The following KCNH7 variants were observed in gnomAD, a reference collection of about 807,000 sequenced individuals.
KCNH7 encodes the protein potassium voltage-gated channel subfamily H member 7.
KCNH7 carries 49 observed loss-of-function variants against 120.8 expected under a neutral mutation model. The ratio of observed to expected loss-of-function variants is 0.41; its 90% CI spans 0.32 to 0.51. KCNH7 has a LOEUF of 0.51. KCNH7 is among the 20% of genes least tolerant of loss of function. KCNH7 has a pLI of 0.38. For missense variants in KCNH7, 1,097 were observed against 1,446.6 expected (o/e 0.76, Z 3.92); for synonymous variants, 547 against 516.1 (o/e 1.06, Z -0.81).
At chr2:162,680,139 AT>A (rs5835917) in intron 2 of KCNH7, among the ~76,000 whole-genome samples, 19,853 of 151,638 alleles carry the variant, frequency 0.13, 1,501 homozygotes, top group East Asian at 0.34. Flanking sequence ...AAAAGAAGCA[AT>A]TTTTACTAGA....
intron 6 of KCNH7, among the ~76,000 whole-genome samples, chr2:162,462,183 GAA>G (rs770647410): frequency 4.0e-5 from 6 of 151,612 alleles, no homozygotes; most frequent in Non-Finnish European, 8.8e-5. Flanking sequence ...GTACGTTAAG[GAA>G]AAAAAATCAG....
intron 5 of KCNH7, among the ~76,000 whole-genome samples, chr2:162,506,669 GTTAT>G (rs1157787078): frequency 1.3e-5 from 2 of 151,692 alleles, no homozygotes; most frequent in East Asian, 3.9e-4. Flanking sequence ...TGTCCACAGA[GTTAT>G]TTAAAATTTG....
intron 2 of KCNH7, among the ~76,000 whole-genome samples, chr2:162,600,908 C>T (rs1191891020): frequency 6.6e-6 from 1 of 152,040 alleles, no homozygotes; most frequent in Non-Finnish European, 1.5e-5. Context: ...GCATTCTATG[C>T]TTCATGGGAA....
At position 162,777,592 on chromosome 2, in the gene KCNH7, G is replaced by C. The variant is rs193253066; in HGVS notation, c.307+58945C>G. On this transcript the variant is annotated intron_variant, in intron 2 of 15. Coordinates refer to ENST00000332142, the MANE Select transcript of KCNH7 (RefSeq NM_033272.4). Reference sequence around the variant, plus strand: ...ATCTCCTATATAAGCCAAGCACTATGCTAAGTGCTTTACATATACTCACTG... The same window carrying C: ...ATCTCCTATATAAGCCAAGCACTATCCTAAGTGCTTTACATATACTCACTG... Among the ~76,000 whole-genome samples, 7 of 152,170 alleles carry C rather than the reference G, an allele frequency of 4.6e-5. No homozygotes were observed. The East Asian group carries it at 1.4e-3, about 29-fold the overall frequency.
intron 2 of KCNH7, among the ~76,000 whole-genome samples, chr2:162,656,304 T>C (rs1248206159): frequency 3.3e-5 from 5 of 152,172 alleles, no homozygotes; most frequent in Non-Finnish European, 7.4e-5. Context: ...AAAGACTATA[T>C]AGATCATAAA....
At chr2:162,768,221 GCTGA>G (rs1251943701) in intron 2 of KCNH7, among the ~76,000 whole-genome samples, 2 of 152,122 alleles carry the variant, frequency 1.3e-5, no homozygotes, top group African/African-American at 4.8e-5. Context: ...TAAATTGAAG[GCTGA>G]CTATCAAAGG....
At chr2:162,653,359 C>T (rs965000233) in intron 2 of KCNH7, among the ~76,000 whole-genome samples, 2 of 152,092 alleles carry the variant, frequency 1.3e-5, no homozygotes, top group African/African-American at 4.8e-5. Flanking sequence ...ACTATTAGAA[C>T]TAATAAATTA....
At chr2:162,694,804 C>T (rs573050167) in intron 2 of KCNH7, among the ~76,000 whole-genome samples, 3 of 151,370 alleles carry the variant, frequency 2.0e-5, no homozygotes, top group African/African-American at 4.9e-5. Context: ...AGTGCAGTGG[C>T]GTGATCTCGG....
At chr2:162,675,581 A>T (rs888079921) in intron 2 of KCNH7, among the ~76,000 whole-genome samples, 1 of 151,526 alleles carries the variant, frequency 6.6e-6, no homozygotes, top group Non-Finnish European at 1.5e-5. Context: ...TACAAGGTAA[A>T]TCTTAGAGCA....
chr2:162,389,487 T>C (rs1178391975), intron 12 of KCNH7, among the ~76,000 whole-genome samples: 1 of 152,002 alleles, frequency 6.6e-6, no homozygotes, highest in Admixed American at 6.6e-5. Flanking sequence ...GGAAAAGGTA[T>C]AGAGAAGGGA....
At chr2:162,423,262 TC>T in intron 9 of KCNH7, 73 bp downstream of exon 9, 1 of 1,609,162 alleles carries the variant, frequency 6.2e-7, no homozygotes, top group Non-Finnish European at 8.5e-7. Flanking sequence ...AGCTGGTGAT[TC>T]CGGCTTTTAT....
At chr2:162,724,833 A>G (rs533289661) in intron 2 of KCNH7, among the ~76,000 whole-genome samples, 5 of 152,232 alleles carry the variant, frequency 3.3e-5, no homozygotes, top group Non-Finnish European at 7.3e-5. Flanking sequence ...TGGCTAAGAA[A>G]GGACTACTGT....
At chr2:162,663,266 T>C (rs1685028541) in intron 2 of KCNH7, among the ~76,000 whole-genome samples, 1 of 152,236 alleles carries the variant, frequency 6.6e-6, no homozygotes, top group Non-Finnish European at 1.5e-5. Context: ...CACTGTATCC[T>C]GTAATATTAA....
rs12992007 is a variant in KCNH7 at position 162,634,225 on chromosome 2, C to G, written c.308-97145G>C. Among the ~76,000 whole-genome samples, 952 of 152,006 alleles carry G rather than the reference C, an allele frequency of 6.3e-3. 9 individuals are homozygous for G. The highest frequency in any genetic ancestry group is 8.2e-3 in the Non-Finnish European group (559 of 67,960). On this transcript the variant is annotated intron_variant, in intron 2 of 15. Coordinates refer to ENST00000332142, the MANE Select transcript of KCNH7 (RefSeq NM_033272.4). ...TAAATTCAATAATCATTTTAAAGCA[C>G]TATTAAATACTATTAAATACCAGTC... is the stretch of plus-strand genomic sequence containing the variant.
rs1235517103 is a variant in KCNH7, at chr2:162,816,284, GACAA to G, written c.307+20249_307+20252del. ...AAAAAAAAAAAAAAAAAAAAAAAAAGACAAAGAAAGAAAGAAATCTGCCTTACAT... is the reference window on the plus strand; with the variant it reads ...AAAAAAAAAAAAAAAAAAAAAAAAAGAGAAAGAAAGAAATCTGCCTTACAT... On this transcript the variant is annotated intron_variant, in intron 2 of 15. Coordinates refer to ENST00000332142, the MANE Select transcript of KCNH7 (RefSeq NM_033272.4). Among the ~76,000 whole-genome samples the G allele has an allele frequency of 4.8e-5, 4 of 83,926 alleles. No homozygotes were observed. In the East Asian group the frequency reaches 1.5e-3, roughly 32 times the overall value. The allele number at this position is 83,926 out of a possible 152,430, so 55.1% of individuals were successfully genotyped here.
At chr2:162,806,156 G>A (rs1197035879) in intron 2 of KCNH7, among the ~76,000 whole-genome samples, 1 of 152,008 alleles carries the variant, frequency 6.6e-6, no homozygotes, top group South Asian at 2.1e-4. Flanking sequence ...TGGGTAATAG[G>A]TGCACTAAAA....
chr2:162,553,649 AAAAAG>A (rs751404895), intron 2 of KCNH7, among the ~76,000 whole-genome samples: 31 of 152,164 alleles, frequency 2.0e-4, no homozygotes, highest in African/African-American at 5.8e-4. Context: ...ACTGTCTCAA[AAAAAG>A]AAAAGAAAAG....
chr2:162,467,346 G>T (rs1197468793), intron 6 of KCNH7, among the ~76,000 whole-genome samples: 2 of 152,200 alleles, frequency 1.3e-5, no homozygotes, highest in African/African-American at 4.8e-5. Flanking sequence ...TGGAGCTGAA[G>T]CCTAATAGGA....
intron 6 of KCNH7, among the ~76,000 whole-genome samples, chr2:162,475,197 G>A (rs1224752178): frequency 3.3e-5 from 5 of 152,114 alleles, no homozygotes; most frequent in Admixed American, 6.6e-5. Flanking sequence ...TACATGTGGC[G>A]AATGACACTG....
Sources: allele counts gnomAD v4.1 joint callset (sites outside exome capture counted in the v4.1 genomes callset), GRCh38; gene constraint gnomAD v4.1.1; transcripts MANE v1.5; gene names NCBI Gene and HGNC (gene_info 2026-07-23, HGNC 2026-07-21).